The following STX6 variants were observed in gnomAD, a reference collection of about 807,000 sequenced individuals.
STX6 encodes the protein syntaxin 6, also known as syntaxin-6.
Under a neutral mutation model 38.0 loss-of-function variants are expected in STX6, and 23 were observed. That is an observed-to-expected ratio of 0.60 (90% CI 0.43 to 0.86). The LOEUF (loss-of-function observed/expected upper bound fraction) is 0.86. Ranked by LOEUF, STX6 falls within the 40% of genes least tolerant of loss-of-function variation. The probability of loss-of-function intolerance (pLI) is 0.00; values close to 1 mark genes in which losing one functional copy is unlikely to be tolerated. For synonymous variants in STX6, 123 were observed against 107.5 expected (o/e 1.14, Z -0.89); for missense variants, 274 against 312.9 (o/e 0.88, Z 0.94).
intron 7 of STX6, among the ~76,000 whole-genome samples, chr1:180,977,991 C>G (rs75652045): frequency 1.3e-5 from 2 of 152,162 alleles, no homozygotes; most frequent in Non-Finnish European, 2.9e-5. Context: ...GACCCCAGGT[C>G]CATCACTCGT....
intron 3 of STX6, among the ~76,000 whole-genome samples, chr1:180,997,345 G>A (rs995030886): frequency 2.6e-5 from 4 of 152,170 alleles, no homozygotes; most frequent in Admixed American, 6.5e-5. Context: ...CAGTGCAACC[G>A]AGGAACTGAA....
rs564096458 is a variant in STX6 at position 180,982,165 on chromosome 1, C to T, written c.691+2512G>A. Among the ~76,000 whole-genome samples, 7 of 152,286 alleles carry T rather than the reference C, an allele frequency of 4.6e-5. No homozygotes were observed. In the South Asian group the frequency reaches 1.5e-3, roughly 32 times the overall value. On this transcript the variant is annotated intron_variant, in intron 7 of 7. Transcript: ENST00000258301. ...GAGCGGAGATGGTCCGCCTGTGTGC[C>T]TGTAACTACTTAATCACACTTCGCT...
In STX6 at chr1:180,988,304, A is replaced by G. The variant is rs1350966936; in HGVS notation, c.531T>C (p.Ser177=). Residue 177 remains serine, a synonymous_variant, in exon 6 of 8, where the codon TCT becomes TCC. Coordinates refer to ENST00000258301, the MANE Select transcript of STX6 (RefSeq NM_005819.6). ...EQQDEQLELV[S]GSIGVLKNMS... is the part of the protein sequence containing the mutation. The stretch of plus-strand genomic sequence containing the variant: ...TGTTCTTCAGCACCCCGATGCTGCC[A>G]GAGACCAGCTCCAACTGCTCATCCT... The G allele has an allele frequency of 1.2e-6, 2 of 1,613,910 alleles. No individual in the cohort carries two copies. The highest frequency in any genetic ancestry group is 2.7e-5 in the African/African-American group (2 of 74,906).
chr1:181,011,181 C>T (rs1208291364), intron 1 of STX6, among the ~76,000 whole-genome samples: 3 of 152,130 alleles, frequency 2.0e-5, no homozygotes, highest in Non-Finnish European at 4.4e-5. Context: ...GTAACACAGA[C>T]ATAAGAAAGG....
chr1:181,007,484 T>C lies in STX6; in HGVS notation c.36-2021A>G, dbSNP rs184234987. Among the ~76,000 whole-genome samples, 247 of 152,310 alleles carry C rather than the reference T, an allele frequency of 1.6e-3. 3 individuals are homozygous for C. The highest frequency in any genetic ancestry group is 5.8e-3 in the South Asian group (28 of 4,818). On this transcript the variant is annotated intron_variant, in intron 1 of 7. Transcript: ENST00000258301. Reference sequence around the variant, plus strand: ...AAGTACTGAGTATCATTTATGATAATGGAAGACAGAGTTGAAGAGGTTATC... The same window carrying C: ...AAGTACTGAGTATCATTTATGATAACGGAAGACAGAGTTGAAGAGGTTATC...
chr1:180,986,213 C>T (rs1321114005), intron 6 of STX6, among the ~76,000 whole-genome samples: 1 of 152,198 alleles, frequency 6.6e-6, no homozygotes, highest in African/African-American at 2.4e-5. Flanking sequence ...CAGTACCATC[C>T]AACAAAAATA....
intron 1 of STX6, among the ~76,000 whole-genome samples, chr1:181,009,601 T>C (rs895506084): frequency 6.6e-6 from 1 of 152,052 alleles, no homozygotes; most frequent in African/African-American, 2.4e-5. Context: ...TACATACTAC[T>C]ACATATTTAG....
intron 6 of STX6, among the ~76,000 whole-genome samples, chr1:180,985,968 C>G (rs1456220451): frequency 6.6e-6 from 1 of 152,194 alleles, no homozygotes; most frequent in Non-Finnish European, 1.5e-5. Flanking sequence ...GTCTTTGTCC[C>G]TTACCTAAAT....
chr1:180,984,752 G>C lies in STX6; in HGVS notation c.616C>G (p.His206Asp), dbSNP rs755304268. 1.3e-6 allele frequency: 2 copies of C among 1,584,014 alleles called. No individual in the cohort carries two copies. The highest frequency in any genetic ancestry group is 1.7e-6 in the Non-Finnish European group (2 of 1,152,878). ...EQAVMLEDFSHELESTQSRLD... is the reference protein window; with the variant it reads ...EQAVMLEDFSDELESTQSRLD... ...CGGGACTGAGTGCTCTCCAATTCGT[G>C]AGAGAAATCTTCCAACATACTAGAG... The change falls in exon 7 of 8, where the codon CAC (histidine) becomes GAC (aspartate). Residue 206 changes from histidine to aspartate, a missense_variant. Coordinates refer to ENST00000258301, the MANE Select transcript of STX6 (RefSeq NM_005819.6).
At chr1:181,005,546 T>C (rs1237226863) in intron 1 of STX6, 83 bp from the exon 2 acceptor site, 1 of 1,371,384 alleles carries the variant, frequency 7.3e-7, no homozygotes, top group East Asian at 2.4e-5. Context: ...TTAACATTTA[T>C]GATCATACAC....
intron 6 of STX6, among the ~76,000 whole-genome samples, chr1:180,987,293 C>T (rs1357427417): frequency 6.6e-6 from 1 of 152,252 alleles, no homozygotes; most frequent in Non-Finnish European, 1.5e-5. Context: ...TTAAACCCCT[C>T]TTCCTCAGGG....
rs570882832 is a variant in STX6 at position 181,022,527 on chromosome 1, C to A, written c.35+112G>T. 1,525 of 1,110,668 alleles carry A rather than the reference C, an allele frequency of 1.4e-3. 14 individuals are homozygous for A. The highest frequency in any genetic ancestry group is 1.5e-4 in the Non-Finnish European group (115 of 753,264). 68.8% of individuals were successfully genotyped at this position (1,110,668 alleles called of 1,614,324 possible). On this transcript the variant is annotated intron_variant, in intron 1 of 7. Coordinates refer to ENST00000258301, the MANE Select transcript of STX6 (RefSeq NM_005819.6). ...AAGACTAAGCCGTCTCCACTGTTCC[C>A]CCTCCCCAGCTCCAACTTGCCTCCC...
chr1:181,022,056 T>C (rs147648373), intron 1 of STX6, among the ~76,000 whole-genome samples: 1,560 of 152,244 alleles, frequency 0.01, 16 homozygotes, highest in Middle Eastern at 0.024. Context: ...CCCCATTGAA[T>C]TGTCTTCCGG....
intron 1 of STX6, among the ~76,000 whole-genome samples, chr1:181,011,848 GGAGGAGCACTTCACTTT>G (rs1372251990): frequency 6.6e-6 from 1 of 152,140 alleles, no homozygotes; most frequent in Non-Finnish European, 1.5e-5. Flanking sequence ...CTTCACTTTG[GGAGGAGCACTTCACTTT>G]GAGGAGCACT....
intron 1 of STX6, among the ~76,000 whole-genome samples, chr1:181,012,884 G>C (rs1474913180): frequency 1.3e-5 from 2 of 151,964 alleles, no homozygotes; most frequent in African/African-American, 2.4e-5. Context: ...ATGTTGGTCA[G>C]GCTGGTCTCA....
At chr1:181,022,264 T>C (rs1290764223) in intron 1 of STX6, among the ~76,000 whole-genome samples, 1 of 152,178 alleles carries the variant, frequency 6.6e-6, no homozygotes, top group Non-Finnish European at 1.5e-5. Flanking sequence ...GCCCAGATGC[T>C]GTTTTCGCTC....
Position 180,974,334 on chromosome 1 carries a change from C to CT in STX6, c.*2235dup, listed in dbSNP as rs1655194129. The CT allele has an allele frequency of 6.6e-6, 1 of 152,264 alleles. No homozygotes were observed. The allele number at this position is 152,264 out of a possible 1,614,324, so 9.4% of individuals were successfully genotyped here. On this transcript the variant is annotated 3_prime_UTR_variant, in exon 8 of 8. Transcript: ENST00000258301. ...AAATTGTTCTCTATTTAGCTTCAGC[C>CT]TGAGTCAGGTCTACAATGGCCACTA...
At chr1:180,986,752 T>C (rs1655599236) in intron 6 of STX6, among the ~76,000 whole-genome samples, 1 of 152,198 alleles carries the variant, frequency 6.6e-6, no homozygotes, top group South Asian at 2.1e-4. Flanking sequence ...ACTATTGTTC[T>C]AGTGAGCTGT....
In STX6 at chr1:180,973,551, C is replaced by G. The variant is rs1655176196; in HGVS notation, c.*3019G>C. The G allele has an allele frequency of 6.6e-6, 1 of 152,638 alleles. No individual in the cohort carries two copies. The highest frequency in any genetic ancestry group is 6.5e-5 in the Admixed American group (1 of 15,280). 9.5% of individuals were successfully genotyped at this position (152,638 alleles called of 1,614,324 possible). On this transcript the variant is annotated 3_prime_UTR_variant, in exon 8 of 8. Transcript: ENST00000258301. ...GTTGTTGGCTACCAGACCCATCAGT[C>G]TGTTTAACTCTGGCTAAAAGCAGAG...
Sources: allele counts gnomAD v4.1 joint callset (sites outside exome capture counted in the v4.1 genomes callset), GRCh38; gene constraint gnomAD v4.1.1; transcripts MANE v1.5; gene names NCBI Gene and HGNC (gene_info 2026-07-23, HGNC 2026-07-21).